The following PLCL2 variants were observed in gnomAD, a reference collection of about 807,000 sequenced individuals.
The protein encoded by PLCL2 is inactive phospholipase C-like protein 2.
A neutral mutation model predicts 79.6 loss-of-function variants in PLCL2; 4 were observed. The observed-to-expected ratio is 0.05, with a 90% confidence interval of 0.02 to 0.11. The LOEUF (loss-of-function observed/expected upper bound fraction) is 0.11, where lower values mean the gene tolerates loss of function less well. Ranked by LOEUF, PLCL2 falls within the 10% of genes least tolerant of loss-of-function variation. The pLI is 1.00. For synonymous variants in PLCL2, 484 were observed against 457.7 expected (o/e 1.06, Z -0.73); for missense variants, 895 against 1,291.0 (o/e 0.69, Z 4.70).
chr3:17,038,284 G>T (rs2064679330), intron 3 of PLCL2, among the ~76,000 whole-genome samples: 2 of 152,236 alleles, frequency 1.3e-5, no homozygotes, highest in South Asian at 2.1e-4. Flanking sequence ...AAATCATCTT[G>T]CCCTAGAAAA....
intron 1 of PLCL2, among the ~76,000 whole-genome samples, chr3:16,892,016 T>A (rs1696363470): frequency 6.6e-6 from 1 of 152,268 alleles, no homozygotes; most frequent in East Asian, 1.9e-4. Context: ...ATCCTGAATT[T>A]ATGAAAACAC....
chr3:16,945,099 C>A (rs1385451473), intron 1 of PLCL2, among the ~76,000 whole-genome samples: 1 of 152,132 alleles, frequency 6.6e-6, no homozygotes, highest in Non-Finnish European at 1.5e-5. Flanking sequence ...CTGTGTGCTT[C>A]CCAGTTCCCT....
chr3:16,903,232 A>AT (rs1210168876), intron 1 of PLCL2, among the ~76,000 whole-genome samples: 9 of 152,078 alleles, frequency 5.9e-5, no homozygotes, highest in African/African-American at 7.2e-5. Context: ...ATGATTAATA[A>AT]TTTTTTCCCA....
chr3:16,888,368 A>G (rs1207934101), intron 1 of PLCL2, among the ~76,000 whole-genome samples: 3 of 152,266 alleles, frequency 2.0e-5, no homozygotes. Context: ...TTATGTTAAC[A>G]GTGTTGATTA....
At chr3:16,958,950 G>A (rs1278967333) in intron 1 of PLCL2, among the ~76,000 whole-genome samples, 1 of 152,050 alleles carries the variant, frequency 6.6e-6, no homozygotes, top group Non-Finnish European at 1.5e-5. Context: ...AGTTATCTTT[G>A]CACTCTGTTT....
intron 1 of PLCL2, among the ~76,000 whole-genome samples, chr3:16,998,355 C>A (rs78013552): frequency 6.6e-6 from 1 of 152,102 alleles, no homozygotes; most frequent in African/African-American, 2.4e-5. Flanking sequence ...ATTTACTAGA[C>A]AGTTATTACC....
chr3:17,089,124 G>A (rs1245811936), intron 5 of PLCL2, among the ~76,000 whole-genome samples: 1 of 152,208 alleles, frequency 6.6e-6, no homozygotes, highest in Middle Eastern at 3.4e-3. Context: ...GAGAGGAGGG[G>A]TGGGTGTGAC....
In PLCL2 at chr3:17,010,142, A is replaced by G. The variant is rs373887874; in HGVS notation, c.796A>G (p.Asn266Asp). The G allele has an allele frequency of 1.2e-6, 2 of 1,613,666 alleles. No homozygotes were observed. Among genetic ancestry groups the G allele is most frequent in the African/African-American group, 2.7e-5 (2 of 74,936 alleles). The change falls in exon 2 of 6, where the codon AAC becomes GAC. Residue 266 changes from asparagine (N) to aspartate (D), a missense_variant. By Grantham distance (23) the Asn-to-Asp change is conservative. Around this residue, in one of 6 missense-constraint regions of PLCL2, gnomAD observed 129 missense variants for 208.8 expected, o/e 0.62. Transcript: ENST00000615277. The surrounding 1 kb of genome is among the most constrained non-coding windows in gnomAD (Gnocchi z 5.8). ...TLDMLESSQD[N>D]MRTSWVSQMF... ...TGATATGTTAGAAAGTAGCCAAGAT[A>G]ACATGAGGACTTCTTGGGTTTCACA... is the stretch of plus-strand genomic sequence containing the variant.
At chr3:16,993,772 A>T (rs193012165) in intron 1 of PLCL2, among the ~76,000 whole-genome samples, 8 of 152,358 alleles carry the variant, frequency 5.3e-5, no homozygotes, top group South Asian at 2.1e-4. Flanking sequence ...ATCAGCATCC[A>T]TATTAATGCA....
intron 4 of PLCL2, among the ~76,000 whole-genome samples, chr3:17,053,194 T>TA (rs2064859523): frequency 6.6e-6 from 1 of 152,220 alleles, no homozygotes; most frequent in Admixed American, 6.5e-5. Flanking sequence ...CCACAGGCTG[T>TA]ACAGGAAGCA....
intron 1 of PLCL2, among the ~76,000 whole-genome samples, chr3:16,889,003 C>G (rs1271815760): frequency 6.6e-6 from 1 of 152,200 alleles, no homozygotes; most frequent in Non-Finnish European, 1.5e-5. Flanking sequence ...ACTCCCAGGT[C>G]TCTGTGATCT....
chr3:16,888,728 C>T, intron 1 of PLCL2, among the ~76,000 whole-genome samples: 1 of 152,094 alleles, frequency 6.6e-6, no homozygotes, highest in East Asian at 1.9e-4. Context: ...AATTCAAGAG[C>T]CTGGTCTAAA....
rs1386457944 is a variant in PLCL2 at position 16,972,316 on chromosome 3, A to G, written c.328-37358A>G. Among the ~76,000 whole-genome samples, 3 of 152,326 alleles carry G rather than the reference A, an allele frequency of 2.0e-5. No homozygotes were observed. In the East Asian group the frequency reaches 5.8e-4, roughly 29 times the overall value. On this transcript the variant is annotated intron_variant, in intron 1 of 5. Transcript: ENST00000615277. ...AGCCCAAAATCTCCTTAAGCTGATA[A>G]GCAACTTGATTTATATTTTTATTGT... is the stretch of plus-strand genomic sequence containing the variant.
chr3:17,082,853 GTAAAA>G (rs1349821300), intron 5 of PLCL2, among the ~76,000 whole-genome samples: 1 of 151,990 alleles, frequency 6.6e-6, no homozygotes, highest in Non-Finnish European at 1.5e-5. Flanking sequence ...TACATTAAAA[GTAAAA>G]TAAAATACCT....
chr3:17,055,458 A>C lies in PLCL2; in HGVS notation c.3095-12498A>C, dbSNP rs191042014. On this transcript the variant is annotated intron_variant, in intron 4 of 5. Coordinates refer to ENST00000615277, the MANE Select transcript of PLCL2 (RefSeq NM_001144382.2). ...CAGAGCAAAAACTTCAAAATAAGCA[A>C]CTGGTCTCTAGAAACCGCTGTCTCA... 9.9e-5 allele frequency among the ~76,000 whole-genome samples: 15 copies of C among 152,252 alleles called. No individual in the cohort carries two copies. In the East Asian group the frequency reaches 2.9e-3, roughly 29 times the overall value.
intron 1 of PLCL2, among the ~76,000 whole-genome samples, chr3:16,934,674 G>A (rs1403961946): frequency 6.6e-6 from 1 of 152,170 alleles, no homozygotes; most frequent in East Asian, 1.9e-4. Flanking sequence ...GGGATGGGAT[G>A]CTATGTAGGA....
chr3:17,060,603 A>G (rs1185748764), intron 4 of PLCL2, among the ~76,000 whole-genome samples: 2 of 152,224 alleles, frequency 1.3e-5, no homozygotes, highest in Non-Finnish European at 2.9e-5. Flanking sequence ...AAGGCTGTAC[A>G]TTTAAACAGG....
At chr3:17,085,424 G>A (rs1559293077) in intron 5 of PLCL2, among the ~76,000 whole-genome samples, 1 of 146,746 alleles carries the variant, frequency 6.8e-6, no homozygotes, top group African/African-American at 2.6e-5. Flanking sequence ...ACCACACCCA[G>A]CCAATTTATT....
intron 1 of PLCL2, among the ~76,000 whole-genome samples, chr3:16,925,313 A>ATATT (rs146806036): frequency 0.018 from 2,691 of 151,856 alleles, 85 homozygotes; most frequent in African/African-American, 0.061. Context: ...GTTTGCACAT[A>ATATT]TATTTATCTT....
Sources: allele counts gnomAD v4.1 joint callset (sites outside exome capture counted in the v4.1 genomes callset), GRCh38; gene constraint gnomAD v4.1.1; regional missense constraint gnomAD v4.1.1; non-coding constraint Gnocchi (gnomAD v3.1); transcripts MANE v1.5; gene names NCBI Gene and HGNC (gene_info 2026-07-23, HGNC 2026-07-21).